The following ZFAND4 variants were observed in gnomAD, a reference collection of about 807,000 sequenced individuals.
ZFAND4 encodes the protein zinc finger AN1-type containing 4.
Under a neutral mutation model 64.4 loss-of-function variants are expected in ZFAND4, and 43 were observed. The observed-to-expected ratio is 0.67, with a 90% CI of 0.52 to 0.86. The LOEUF is 0.86. Ranked by LOEUF, ZFAND4 falls within the 40% of genes least tolerant of loss-of-function variation. The pLI, the probability that ZFAND4 is intolerant of heterozygous loss-of-function variation, is 0.00. For missense variants in ZFAND4, 929 were observed against 859.8 expected, an observed-to-expected ratio of 1.08 and a Z score of -1.01; for synonymous variants, 296 against 305.7, an observed-to-expected ratio of 0.97 and a Z score of 0.33.
chr10:45,668,083 T>C (rs981608625), intron 1 of ZFAND4, among the ~76,000 whole-genome samples: 1 of 152,256 alleles, frequency 6.6e-6, no homozygotes. Flanking sequence ...CATTACTTTT[T>C]ATGTGTCAAA....
rs140778870 is a variant in ZFAND4 at position 45,626,135 on chromosome 10, C to T, written c.1688G>A (p.Cys563Tyr). ...TNKASKEPVG[C>Y]VNNISFLASL... ...GGCAAGAAAACTGATATTATTTACACAACCAACAGGCTCTTTGGAAGCCTT... is the reference window on the plus strand; with the variant it reads ...GGCAAGAAAACTGATATTATTTACATAACCAACAGGCTCTTTGGAAGCCTT... Residue 563 changes from cysteine (C) to tyrosine (Y), a missense_variant, in exon 7 of 10, where the codon TGT becomes TAT. By Grantham distance (194) the Cys-to-Tyr change is radical (BLOSUM62 -2). Coordinates refer to ENST00000344646, the MANE Select transcript of ZFAND4 (RefSeq NM_174890.4). 7 of 1,614,062 alleles carry T rather than the reference C, an allele frequency of 4.3e-6. No individual in the cohort carries two copies. The highest frequency in any genetic ancestry group is 2.2e-5 in the South Asian group (2 of 91,086).
intron 2 of ZFAND4, 62 bp downstream of exon 2, chr10:45,663,480 A>G (rs954612882): frequency 7.7e-7 from 1 of 1,302,086 alleles, no homozygotes; most frequent in Non-Finnish European, 1.1e-6. Context: ...TTTAAAAACT[A>G]CTAGACATTA....
rs1232814868 is a variant in ZFAND4, at chr10:45,621,974, A to C, written c.1927+2609T>G. 3.3e-5 allele frequency among the ~76,000 whole-genome samples: 5 copies of C among 152,222 alleles called. No homozygotes were observed. The East Asian group carries it at 9.6e-4, about 29-fold the overall frequency. On this transcript the variant is annotated intron_variant, in intron 8 of 9. Coordinates refer to ENST00000344646, the MANE Select transcript of ZFAND4 (RefSeq NM_174890.4). ...AGTTTCAGAAGAGCAGTGAGACGTG[A>C]ACCAGCACTGAAGACTGAACTAGAG...
chr10:45,623,361 AC>A (rs2045568976), intron 8 of ZFAND4, among the ~76,000 whole-genome samples: 1 of 152,246 alleles, frequency 6.6e-6, no homozygotes, highest in Non-Finnish European at 1.5e-5. Flanking sequence ...AAACATGGAA[AC>A]AATACAACTG....
At chr10:45,668,646 A>C (rs1040922997) in intron 1 of ZFAND4, among the ~76,000 whole-genome samples, 2 of 152,226 alleles carry the variant, frequency 1.3e-5, no homozygotes, top group African/African-American at 4.8e-5. Flanking sequence ...ACATAGCTGG[A>C]AGTAAAGCAC....
chr10:45,629,173 G>A (rs1378712406), intron 6 of ZFAND4, among the ~76,000 whole-genome samples: 2 of 151,976 alleles, frequency 1.3e-5, no homozygotes. Flanking sequence ...CCCTCCCAGG[G>A]TCAATCGATC....
intron 6 of ZFAND4, among the ~76,000 whole-genome samples, chr10:45,635,673 T>C (rs779344528): frequency 7.9e-5 from 12 of 152,090 alleles, no homozygotes; most frequent in Non-Finnish European, 1.5e-4. Context: ...CAAGTATACA[T>C]TGAGGAATGA....
Position 45,630,577 on chromosome 10 carries a change from A to T in ZFAND4, c.718-3472T>A, listed in dbSNP as rs559255898. On this transcript the variant is annotated intron_variant, in intron 6 of 9. Coordinates refer to ENST00000344646, the MANE Select transcript of ZFAND4 (RefSeq NM_174890.4). ...CCTGTCTCTACTAAAAATATAAAAA[A>T]ATTAGCCGGGCGTGGTGGCAGGCAC... is the stretch of plus-strand genomic sequence containing the variant. 1.3e-3 allele frequency among the ~76,000 whole-genome samples: 191 copies of T among 152,058 alleles called. 1 individual carries two copies. The highest frequency in any genetic ancestry group is 4.2e-3 in the African/African-American group (176 of 41,500).
rs745517258 is a variant in ZFAND4 at position 45,663,612 on chromosome 10, T to C, written c.114A>G (p.Thr38=). Residue 38 remains threonine, a synonymous_variant, in exon 2 of 10, where the codon ACA becomes ACG. Transcript: ENST00000344646. ...MELFIETLTG[T]CFELRVSPFE... ...AAGGTGAAACTCTCAGCTCAAAACA[T>C]GTTCCAGTTAATGTTTCAATGAAGA... 2.2e-5 allele frequency: 35 copies of C among 1,611,316 alleles called. No homozygotes were observed. Among genetic ancestry groups the C allele is most frequent in the Non-Finnish European group, 2.8e-5 (33 of 1,179,296 alleles).
At chr10:45,617,498 C>T (rs986622973) in intron 9 of ZFAND4, among the ~76,000 whole-genome samples, 12 of 146,616 alleles carry the variant, frequency 8.2e-5, no homozygotes, top group African/African-American at 2.8e-4. Flanking sequence ...CATGATGGCA[C>T]ATGCCTATAG....
rs564606775 is a variant in ZFAND4, at chr10:45,618,333, C to T, written c.1928-73G>A. ...ACATGAAATATTATTAAGCAAAACA[C>T]AAAACATAGTCCTATCAAAGTAAAT... On this transcript the variant is annotated intron_variant, in intron 8 of 9. Coordinates refer to ENST00000344646, the MANE Select transcript of ZFAND4 (RefSeq NM_174890.4). The T allele has an allele frequency of 5.2e-6, 8 of 1,544,830 alleles. No individual in the cohort carries two copies. The South Asian group carries it at 8.3e-5, about 16-fold the overall frequency.
At position 45,648,304 on chromosome 10, in the gene ZFAND4, G is replaced by A. The variant is rs2047530052; in HGVS notation, c.559C>T (p.His187Tyr). 1 of 1,609,344 alleles carries A rather than the reference G, an allele frequency of 6.2e-7. No individual in the cohort carries two copies. The highest frequency in any genetic ancestry group is 2.2e-5 in the East Asian group (1 of 44,792). The change falls in exon 5 of 10, where the codon CAT (histidine) becomes TAT (tyrosine). Residue 187 changes from histidine to tyrosine, a missense_variant. Transcript: ENST00000344646. ...HLHVLRRKGEHRMSGGSMYNS... is the reference protein window; with the variant it reads ...HLHVLRRKGEYRMSGGSMYNS... The stretch of plus-strand genomic sequence containing the variant: ...AAGTTTATGGAGTACCTCATACGAT[G>A]TTCTCCTTTTCTCCGTAGGACATGC...
intron 5 of ZFAND4, among the ~76,000 whole-genome samples, chr10:45,642,886 G>T (rs2047111248): frequency 1.5e-5 from 2 of 130,974 alleles, no homozygotes; most frequent in Non-Finnish European, 1.7e-5. Flanking sequence ...ATTTTTTTTA[G>T]TGCTATATGT....
rs374065761 is a variant in ZFAND4, at chr10:45,626,917, T to G, written c.906A>C (p.Gln302His). ...SRNGISSLAT[Q>H]LSAERYISSI... ...AAGATATGTATCTCTCAGCAGAGAG[T>G]TGAGTTGCCAAACTTGAAATTCCAT... Residue 302 changes from glutamine (Q) to histidine (H), a missense_variant, in exon 7 of 10, where the codon CAA (glutamine) becomes CAC (histidine). By Grantham distance (24) the Gln-to-His change is conservative. Coordinates refer to ENST00000344646, the MANE Select transcript of ZFAND4 (RefSeq NM_174890.4). 6.2e-7 allele frequency: 1 copy of G among 1,613,954 alleles called. No homozygotes were observed. The highest frequency in any genetic ancestry group is 1.3e-5 in the African/African-American group (1 of 74,864).
At chr10:45,671,741 T>C (rs2049210353) in intron 1 of ZFAND4, among the ~76,000 whole-genome samples, 1 of 151,652 alleles carries the variant, frequency 6.6e-6, no homozygotes, top group Non-Finnish European at 1.5e-5. Flanking sequence ...AAATGACGAG[T>C]TAGTCGGTGC....
intron 2 of ZFAND4, among the ~76,000 whole-genome samples, chr10:45,658,624 T>A (rs1321435124): frequency 1.3e-5 from 2 of 152,158 alleles, no homozygotes; most frequent in African/African-American, 4.8e-5. Context: ...CTAAAAAAAA[T>A]GATCGAAGCT....
rs775722803 is a variant in ZFAND4, at chr10:45,626,500, ATGCT to A, written c.1319_1322del (p.Gln440LeufsTer9). ...TCAGCACTCCTGCAACATGCTTGAG[ATGCT>A]GCTCTGGAGCTTTCAACCCTTTGTC... On this transcript the variant is annotated frameshift_variant, in exon 7 of 10. Transcript: ENST00000344646. LOFTEE classifies it high-confidence loss of function. The A allele has an allele frequency of 6.2e-7, 1 of 1,613,928 alleles. No individual in the cohort carries two copies. The highest frequency in any genetic ancestry group is 1.1e-5 in the South Asian group (1 of 91,080).
At position 45,618,122 on chromosome 10, in the gene ZFAND4, T is replaced by G; in HGVS notation, c.2048+18A>C. ...ATCACAGAGAAAGCATCTGAGCTTCTCCAGCTCGCCAACCTGCCTGCATTC... is the reference window on the plus strand; with the variant it reads ...ATCACAGAGAAAGCATCTGAGCTTCGCCAGCTCGCCAACCTGCCTGCATTC... On this transcript the variant is annotated intron_variant, in intron 9 of 9. Coordinates refer to ENST00000344646, the MANE Select transcript of ZFAND4 (RefSeq NM_174890.4). 6.2e-7 allele frequency: 1 copy of G among 1,601,618 alleles called. No homozygotes were observed. The highest frequency in any genetic ancestry group is 8.5e-7 in the Non-Finnish European group (1 of 1,176,500).
chr10:45,616,675 G>A, intron 9 of ZFAND4, 104 bp from the exon 10 acceptor site: 2 of 1,227,586 alleles, frequency 1.6e-6, no homozygotes, highest in Non-Finnish European at 2.3e-6. Context: ...GGGGCCCTTT[G>A]GTTCTTTTTA....
Sources: allele counts gnomAD v4.1 joint callset (sites outside exome capture counted in the v4.1 genomes callset), GRCh38; gene constraint gnomAD v4.1.1; transcripts MANE v1.5; gene names NCBI Gene and HGNC (gene_info 2026-07-23, HGNC 2026-07-21).